Variants in SLC4A10 observed in about 807,000 individuals in gnomAD.
SLC4A10 encodes solute carrier family 4 member 10.
SLC4A10 carries 42 observed loss-of-function variants against 137.7 expected under a neutral mutation model. The observed-to-expected ratio is 0.30, with a 90% CI of 0.24 to 0.39. SLC4A10 has a LOEUF of 0.39. SLC4A10 is among the 10% of genes least tolerant of loss of function. The pLI is 1.00. For missense variants in SLC4A10, 925 were observed against 1,355.0 expected, an observed-to-expected ratio of 0.68 and a Z score of 4.98; for synonymous variants, 474 against 464.1, an observed-to-expected ratio of 1.02 and a Z score of -0.27.
intron 15 of SLC4A10, among the ~76,000 whole-genome samples, chr2:161,933,366 C>G (rs1234571865): frequency 1.4e-5 from 2 of 145,898 alleles, no homozygotes; most frequent in Non-Finnish European, 3.0e-5. Context: ...CTTTCTCTCT[C>G]TTTCTCTCTT....
chr2:161,889,787 T>C (rs1280301589), intron 10 of SLC4A10, among the ~76,000 whole-genome samples: 1 of 152,190 alleles, frequency 6.6e-6, no homozygotes, highest in African/African-American at 2.4e-5. Flanking sequence ...CTCTGTCTCC[T>C]TTAGCTCTGC....
intron 8 of SLC4A10, among the ~76,000 whole-genome samples, chr2:161,877,499 A>C (rs56140629): frequency 1.3e-5 from 2 of 151,998 alleles, no homozygotes; most frequent in Admixed American, 1.3e-4. Flanking sequence ...GCATTACAAT[A>C]AAAATGTAAA....
intron 1 of SLC4A10, among the ~76,000 whole-genome samples, chr2:161,761,202 A>G (rs1414959141): frequency 2.0e-5 from 3 of 152,030 alleles, no homozygotes; most frequent in East Asian, 1.9e-4. Flanking sequence ...GTTAGTCTCT[A>G]TATAGCACTG....
chr2:161,770,869 T>G, intron 1 of SLC4A10, 104 bp from the exon 2 acceptor site: 1 of 731,486 alleles, frequency 1.4e-6, no homozygotes, highest in Non-Finnish European at 2.2e-6. Flanking sequence ...TAGATTTAAA[T>G]GACTGAATTA....
intron 3 of SLC4A10, among the ~76,000 whole-genome samples, chr2:161,829,798 G>A (rs2058309066): frequency 6.6e-6 from 1 of 152,082 alleles, no homozygotes; most frequent in African/African-American, 2.4e-5. Flanking sequence ...ATATGGCTGA[G>A]GAGGCCTCAC....
chr2:161,625,212 G>T (rs2032056956), intron 1 of SLC4A10, among the ~76,000 whole-genome samples: 1 of 151,780 alleles, frequency 6.6e-6, no homozygotes, highest in Non-Finnish European at 1.5e-5. Context: ...ATATTAGAAA[G>T]GTTTCTGAAC....
chr2:161,804,475 C>T lies in SLC4A10; in HGVS notation c.157C>T (p.His53Tyr). The T allele has an allele frequency of 6.2e-7, 1 of 1,612,798 alleles. No individual in the cohort carries two copies. The highest frequency in any genetic ancestry group is 1.7e-5 in the Admixed American group (1 of 59,948). ...TCATCGAACACTATTTATTGGAGTA[C>T]ATGTGCCCTTGGGAGGAAGAAAAAG... ...EGHRTLFIGVHVPLGGRKSHR... is the reference protein window; with the variant it reads ...EGHRTLFIGVYVPLGGRKSHR... The change falls in exon 3 of 27, where the codon CAT becomes TAT. Residue 53 changes from histidine to tyrosine, a missense_variant. Coordinates refer to ENST00000446997, the MANE Select transcript of SLC4A10 (RefSeq NM_001178015.2).
intron 15 of SLC4A10, among the ~76,000 whole-genome samples, chr2:161,939,275 C>G (rs1267513399): frequency 6.6e-6 from 1 of 151,974 alleles, no homozygotes; most frequent in Non-Finnish European, 1.5e-5. Flanking sequence ...TGGGGTTTCA[C>G]CATGTTGGCC....
chr2:161,839,962 A>C (rs1331456336), intron 4 of SLC4A10, 35 bp downstream of exon 4: 9 of 1,608,100 alleles, frequency 5.6e-6, no homozygotes, highest in African/African-American at 1.3e-5. Context: ...AGGTATACTA[A>C]AGAATTTTCA....
At chr2:161,744,241 T>A (rs1001857707) in intron 1 of SLC4A10, among the ~76,000 whole-genome samples, 18 of 152,146 alleles carry the variant, frequency 1.2e-4, no homozygotes, top group African/African-American at 4.3e-4. Flanking sequence ...TTTTTCCCCA[T>A]GTAGTATGAT....
At chr2:161,777,119 T>C (rs1437680796) in intron 2 of SLC4A10, among the ~76,000 whole-genome samples, 1 of 151,542 alleles carries the variant, frequency 6.6e-6, no homozygotes. Flanking sequence ...AATTAATTTT[T>C]AATTTAAAAA....
intron 1 of SLC4A10, among the ~76,000 whole-genome samples, chr2:161,745,822 A>G (rs2048334030): frequency 6.6e-6 from 1 of 152,176 alleles, no homozygotes; most frequent in African/African-American, 2.4e-5. Context: ...TGGCTCTTGC[A>G]GACTAAAAGA....
chr2:161,922,938 G>T (rs1436579592), intron 15 of SLC4A10, among the ~76,000 whole-genome samples: 1 of 152,136 alleles, frequency 6.6e-6, no homozygotes, highest in Non-Finnish European at 1.5e-5. Flanking sequence ...AACCATAACT[G>T]TTTAGTGCAC....
At chr2:161,724,586 T>A (rs2046029225) in intron 1 of SLC4A10, among the ~76,000 whole-genome samples, 1 of 152,178 alleles carries the variant, frequency 6.6e-6, no homozygotes, top group East Asian at 1.9e-4. Flanking sequence ...ATCTGGGGGT[T>A]GTCAAGAAAA....
intron 15 of SLC4A10, among the ~76,000 whole-genome samples, chr2:161,940,506 G>A (rs1176840715): frequency 6.6e-6 from 1 of 152,148 alleles, no homozygotes; most frequent in East Asian, 1.9e-4. Context: ...CAGCAGAGGA[G>A]TCACTTACAG....
intron 10 of SLC4A10, among the ~76,000 whole-genome samples, chr2:161,894,131 G>C (rs1442066770): frequency 6.6e-6 from 1 of 151,970 alleles, no homozygotes; most frequent in African/African-American, 2.4e-5. Flanking sequence ...AGGAACTCAA[G>C]TATCCATAGA....
At chr2:161,643,991 G>T (rs191100942) in intron 1 of SLC4A10, among the ~76,000 whole-genome samples, 6 of 151,652 alleles carry the variant, frequency 4.0e-5, no homozygotes, top group South Asian at 4.2e-4. Flanking sequence ...CAATGTATTT[G>T]CCTGTCTCTT....
At chr2:161,710,857 G>A in intron 1 of SLC4A10, 4 of 267,698 alleles carry the variant, frequency 1.5e-5, no homozygotes, top group East Asian at 9.0e-5. Flanking sequence ...GAGGAATGCA[G>A]AAAAGAAAAA....
chr2:161,892,993 A>T (rs1660452122), intron 10 of SLC4A10, among the ~76,000 whole-genome samples: 1 of 152,088 alleles, frequency 6.6e-6, no homozygotes, highest in Admixed American at 6.6e-5. Flanking sequence ...GGCTCTGCTC[A>T]TTATAATCAC....
Sources: gnomAD v4.1 joint callset for allele counts (sites outside exome capture counted in the v4.1 genomes callset) on GRCh38, gnomAD v4.1.1 for gene constraint, MANE v1.5 for transcripts, NCBI Gene and HGNC (gene_info 2026-07-23, HGNC 2026-07-21) for gene names.